The following GPBP1 variants were observed in gnomAD, a reference collection of about 807,000 sequenced individuals.
The protein encoded by GPBP1 is vasculin.
In GPBP1, 13 loss-of-function variants were observed where a neutral mutation model predicts 56.5. The ratio of observed to expected loss-of-function variants is 0.23; its 90% confidence interval spans 0.15 to 0.37. The LOEUF (loss-of-function observed/expected upper bound fraction) is 0.37, where lower values mean the gene tolerates loss of function less well. Ranked by LOEUF, GPBP1 falls within the 10% of genes least tolerant of loss-of-function variation. The probability of loss-of-function intolerance (pLI) is 1.00; values close to 1 mark genes in which losing one functional copy is unlikely to be tolerated. For synonymous variants in GPBP1, 204 were observed against 188.9 expected, an observed-to-expected ratio of 1.08 and a Z score of -0.66; for missense variants, 477 against 572.3, an observed-to-expected ratio of 0.83 and a Z score of 1.70.
At chr5:57,187,005 TGTG>T (rs1300479548) in intron 2 of GPBP1, among the ~76,000 whole-genome samples, 2 of 29,190 alleles carry the variant, frequency 6.9e-5, no homozygotes, top group East Asian at 4.9e-4. Flanking sequence ...CTCAGAGAAG[TGTG>T]TGTGTGTGTG....
At chr5:57,234,461 G>C (rs538563433) in intron 5 of GPBP1, among the ~76,000 whole-genome samples, 9 of 152,316 alleles carry the variant, frequency 5.9e-5, no homozygotes, top group African/African-American at 2.2e-4. Flanking sequence ...ATTGGGGCTG[G>C]GTTCAGTGGC....
rs1754711427 is a variant in GPBP1, at chr5:57,195,689, G to A, written c.-57-18385G>A. Among the ~76,000 whole-genome samples, 6 of 151,964 alleles carry A rather than the reference G, an allele frequency of 3.9e-5. No individual in the cohort carries two copies. The South Asian group carries it at 1.2e-3, about 31-fold the overall frequency. On this transcript the variant is annotated intron_variant, in intron 2 of 11. Transcript: ENST00000506184. ...CTTTAAGCCCGAAGGTTTTTTATTT[G>A]CGAAATGAATATTAAAATACGTTTT...
chr5:57,223,189 G>C (rs1358897841), intron 3 of GPBP1, among the ~76,000 whole-genome samples: 1 of 151,930 alleles, frequency 6.6e-6, no homozygotes, highest in Non-Finnish European at 1.5e-5. Context: ...ACCCAGGCTG[G>C]TCTTGAACTC....
chr5:57,219,113 C>T (rs547952270), intron 3 of GPBP1, among the ~76,000 whole-genome samples: 2 of 152,114 alleles, frequency 1.3e-5, no homozygotes, highest in Admixed American at 6.5e-5. Flanking sequence ...TGGTGACTCA[C>T]GTCTGTAATC....
chr5:57,262,848 A>G lies in GPBP1; in HGVS notation c.*96A>G, dbSNP rs1398431317. The G allele has an allele frequency of 8.9e-7, 1 of 1,122,536 alleles. No individual in the cohort carries two copies. Among genetic ancestry groups the G allele is most frequent in the African/African-American group, 1.6e-5 (1 of 63,486 alleles). The allele number at this position is 1,122,536 out of a possible 1,614,324, so 69.5% of individuals were successfully genotyped here. ...ATGAAGAACTATAATTTATGTAGTG[A>G]AATACCCCATTAGAAGAGGATTTTT... On this transcript the variant is annotated 3_prime_UTR_variant, in exon 12 of 12. Transcript: ENST00000506184.
At chr5:57,180,678 C>T (rs1341548655) in intron 2 of GPBP1, among the ~76,000 whole-genome samples, 1 of 152,086 alleles carries the variant, frequency 6.6e-6, no homozygotes, top group African/African-American at 2.4e-5. Context: ...CTTCATTATA[C>T]TGATGGAAAT....
At chr5:57,205,119 C>A (rs1352014786) in intron 2 of GPBP1, among the ~76,000 whole-genome samples, 1 of 152,170 alleles carries the variant, frequency 6.6e-6, no homozygotes, top group Non-Finnish European at 1.5e-5. Context: ...TCCACCCTCC[C>A]AACAGTCTCT....
At chr5:57,185,591 C>T (rs1047325177) in intron 2 of GPBP1, among the ~76,000 whole-genome samples, 3 of 151,930 alleles carry the variant, frequency 2.0e-5, no homozygotes, top group Middle Eastern at 3.2e-3. Context: ...TAAATTTTAA[C>T]CCTTGTGTAT....
At chr5:57,221,446 C>T (rs1436397578) in intron 3 of GPBP1, 3 of 1,116,780 alleles carry the variant, frequency 2.7e-6, no homozygotes, top group African/African-American at 1.6e-5. Context: ...ATTTAGATAA[C>T]TAGCAAATTC....
rs114035548 is a variant in GPBP1 at position 57,222,460 on chromosome 5, A to G, written c.63+8267A>G. ...GGTTTCAGAAGTGAAATGCTAAGTTACTTTTATGCATACACCAGAATATAT... is the reference window on the plus strand; with the variant it reads ...GGTTTCAGAAGTGAAATGCTAAGTTGCTTTTATGCATACACCAGAATATAT... On this transcript the variant is annotated intron_variant, in intron 3 of 11. Coordinates refer to ENST00000506184, the MANE Select transcript of GPBP1 (RefSeq NM_022913.4). Among the ~76,000 whole-genome samples the G allele has an allele frequency of 4.0e-3, 602 of 152,314 alleles. 7 individuals are homozygous for G. Among genetic ancestry groups the G allele is most frequent in the African/African-American group, 0.013 (555 of 41,570 alleles).
At chr5:57,227,645 A>G (rs1561355251) in intron 3 of GPBP1, among the ~76,000 whole-genome samples, 1 of 152,214 alleles carries the variant, frequency 6.6e-6, no homozygotes, top group African/African-American at 2.4e-5. Flanking sequence ...GTGCAAGGGC[A>G]GCATCCACCT....
At chr5:57,223,063 G>A (rs188473704) in intron 3 of GPBP1, among the ~76,000 whole-genome samples, 151 of 151,252 alleles carry the variant, frequency 1.0e-3, no homozygotes, top group Non-Finnish European at 1.7e-3. Context: ...TTCATATGGC[G>A]CCCCAGAACT....
chr5:57,225,877 A>G (rs1756164507), intron 3 of GPBP1, among the ~76,000 whole-genome samples: 1 of 152,214 alleles, frequency 6.6e-6, no homozygotes, highest in African/African-American at 2.4e-5. Context: ...TGCAGCTCCT[A>G]AATCTGCATT....
intron 2 of GPBP1, among the ~76,000 whole-genome samples, chr5:57,209,981 GATTTTAAAGCTT>G (rs202215457): frequency 0.021 from 3,160 of 152,168 alleles, 40 homozygotes; most frequent in Non-Finnish European, 0.033. Flanking sequence ...TGGTCTTTGT[GATTTTAAAGCTT>G]ATTTTAAAGT....
rs1358720946 is a variant in GPBP1, at chr5:57,198,873, TTTTG to T, written c.-57-15197_-57-15194del. Among the ~76,000 whole-genome samples, 3 of 152,226 alleles carry T rather than the reference TTTTG, an allele frequency of 2.0e-5. No individual in the cohort carries two copies. In the East Asian group the frequency reaches 5.8e-4, roughly 29 times the overall value. ...GTACTTCAGTGTCATTTGCTTCACA[TTTTG>T]TTTTTTTCCAGTTATGAATATATTG... On this transcript the variant is annotated intron_variant, in intron 2 of 11. Coordinates refer to ENST00000506184, the MANE Select transcript of GPBP1 (RefSeq NM_022913.4).
chr5:57,255,675 T>C (rs1741625752), intron 10 of GPBP1, among the ~76,000 whole-genome samples: 1 of 152,252 alleles, frequency 6.6e-6, no homozygotes, highest in African/African-American at 2.4e-5. Context: ...TCACCTAATA[T>C]CTTGTCTTCT....
intron 5 of GPBP1, among the ~76,000 whole-genome samples, chr5:57,234,999 GA>G (rs200335044): frequency 1.2e-4 from 18 of 149,912 alleles, no homozygotes; most frequent in South Asian, 1.0e-3. Context: ...TTGCTATAAT[GA>G]AAAAAAAAAT....
chr5:57,232,623 G>A (rs1250013067), intron 5 of GPBP1, among the ~76,000 whole-genome samples: 3 of 152,056 alleles, frequency 2.0e-5, no homozygotes, highest in Non-Finnish European at 1.5e-5. Flanking sequence ...AAGTTCTAAG[G>A]TGCTAGCCAA....
chr5:57,261,689 G>A, intron 11 of GPBP1, among the ~76,000 whole-genome samples: 1 of 152,060 alleles, frequency 6.6e-6, no homozygotes, highest in Admixed American at 6.6e-5. Flanking sequence ...CTTTTCTGGG[G>A]GAGGAGCAAG....
Sources: gnomAD v4.1 joint callset for allele counts (sites outside exome capture counted in the v4.1 genomes callset) on GRCh38, gnomAD v4.1.1 for gene constraint, MANE v1.5 for transcripts, NCBI Gene and HGNC (gene_info 2026-07-23, HGNC 2026-07-21) for gene names.